Variants in WDPCP observed in about 807,000 individuals in gnomAD.
WDPCP encodes the protein WD repeat containing planar cell polarity effector.
In WDPCP, 71 loss-of-function variants were observed where a neutral mutation model predicts 93.1. The ratio of observed to expected loss-of-function variants is 0.76; its 90% CI spans 0.63 to 0.93. The LOEUF (loss-of-function observed/expected upper bound fraction) is 0.93. Among genes scored for constraint, WDPCP ranks in the 40% least tolerant of loss-of-function variants. The pLI is 0.00. For synonymous variants in WDPCP, 315 were observed against 315.0 expected (o/e 1.00, Z 0.00); for missense variants, 844 against 887.4 (o/e 0.95, Z 0.62).
rs189437650 is a variant in WDPCP at position 63,259,492 on chromosome 2, G to A, written c.1813-83C>T. On this transcript the variant is annotated intron_variant, in intron 13 of 17. Coordinates refer to ENST00000272321, the MANE Select transcript of WDPCP (RefSeq NM_015910.7). ...AGGAGGATTTTGAAGGAAACTTATTGTCCAGATTACAAAATAGAAACAGTT... is the reference window on the plus strand; with the variant it reads ...AGGAGGATTTTGAAGGAAACTTATTATCCAGATTACAAAATAGAAACAGTT... 175 of 1,071,662 alleles carry A rather than the reference G, an allele frequency of 1.6e-4. No homozygotes were observed. In the East Asian group the frequency reaches 3.2e-3, roughly 20 times the overall value. 66.4% of individuals were successfully genotyped at this position (1,071,662 alleles called of 1,614,324 possible).
At chr2:63,446,431 T>C (rs568346428) in intron 6 of WDPCP, among the ~76,000 whole-genome samples, 2 of 152,336 alleles carry the variant, frequency 1.3e-5, no homozygotes, top group African/African-American at 2.4e-5. Context: ...TGTCACCACC[T>C]TTATATATTA....
At chr2:63,465,264 T>C (rs1213904700) in intron 6 of WDPCP, among the ~76,000 whole-genome samples, 1 of 152,142 alleles carries the variant, frequency 6.6e-6, no homozygotes, top group Admixed American at 6.6e-5. Context: ...TATTTTTGTT[T>C]GATAGCTAAA....
intron 13 of WDPCP, among the ~76,000 whole-genome samples, chr2:63,297,807 G>A (rs1203548635): frequency 6.6e-6 from 1 of 152,176 alleles, no homozygotes; most frequent in African/African-American, 2.4e-5. Context: ...ACAACATTCA[G>A]TTTTAACTAA....
chr2:63,315,397 GAAAC>G (rs1164314835), intron 12 of WDPCP, among the ~76,000 whole-genome samples: 2 of 139,152 alleles, frequency 1.4e-5, no homozygotes, highest in East Asian at 4.4e-4. Flanking sequence ...AACTTTCACA[GAAAC>G]AAACAAATTC....
chr2:63,473,046 G>T (rs1409462700), intron 6 of WDPCP, among the ~76,000 whole-genome samples: 2 of 152,194 alleles, frequency 1.3e-5, no homozygotes, highest in African/African-American at 4.8e-5. Context: ...TTCCACAAAA[G>T]TATGGTGATC....
At chr2:63,465,520 C>T (rs936945116) in intron 6 of WDPCP, among the ~76,000 whole-genome samples, 6 of 152,072 alleles carry the variant, frequency 3.9e-5, no homozygotes, top group Non-Finnish European at 8.8e-5. Context: ...TTTTACAGTG[C>T]CCCTAGGCCA....
At chr2:63,839,724 T>C in the WDPCP span, among the ~76,000 whole-genome samples, 5 of 152,252 alleles carry the variant, frequency 3.3e-5, no homozygotes, top group African/African-American at 4.8e-5. Context: ...ACAATTTTTG[T>C]ACTGTATACA....
chr2:63,784,655 AAGAC>A (rs1353714641), intron 2 of WDPCP, among the ~76,000 whole-genome samples: 1 of 152,002 alleles, frequency 6.6e-6, no homozygotes, highest in Non-Finnish European at 1.5e-5. Context: ...GTAATAAAGA[AAGAC>A]AGTGAAGAAA....
chr2:63,687,103 T>C (rs1009943579), intron 2 of WDPCP, among the ~76,000 whole-genome samples: 6 of 152,244 alleles, frequency 3.9e-5, no homozygotes, highest in Non-Finnish European at 8.8e-5. Context: ...ATACTCATAA[T>C]TTTTAAACAA....
intron 1 of WDPCP, among the ~76,000 whole-genome samples, chr2:63,523,844 G>T (rs569412897): frequency 6.6e-6 from 1 of 152,192 alleles, no homozygotes; most frequent in Admixed American, 6.5e-5. Context: ...CCAGGAGGTG[G>T]AGGTTGTGGT....
intron 9 of WDPCP, among the ~76,000 whole-genome samples, chr2:63,426,972 G>C (rs146961741): frequency 6.6e-6 from 1 of 152,222 alleles, no homozygotes; most frequent in East Asian, 1.9e-4. Context: ...TTTAACAATA[G>C]TCGAGAAGGA....
chr2:63,279,962 A>G (rs13020171), intron 13 of WDPCP, among the ~76,000 whole-genome samples: 123,579 of 152,194 alleles, frequency 0.81, 50,932 homozygotes, highest in East Asian at 0.96. Context: ...ACAAAATACC[A>G]CTGAAAGAAA....
intron 6 of WDPCP, among the ~76,000 whole-genome samples, chr2:63,462,396 G>A (rs1443604986): frequency 2.0e-5 from 3 of 152,144 alleles, no homozygotes; most frequent in Admixed American, 2.0e-4. Context: ...TATACCTAAT[G>A]TAAATGATGA....
At chr2:63,369,591 A>AT in intron 12 of WDPCP, 1 of 447,902 alleles carries the variant, frequency 2.2e-6, no homozygotes, top group Non-Finnish European at 4.5e-6. Flanking sequence ...AATGAAAAAA[A>AT]TAACTAATGT....
At chr2:63,716,524 T>TA (rs1222347132) in intron 2 of WDPCP, among the ~76,000 whole-genome samples, 1 of 152,240 alleles carries the variant, frequency 6.6e-6, no homozygotes, top group African/African-American at 2.4e-5. Flanking sequence ...AAAGGAAGTG[T>TA]AAGTGCTATT....
intron 1 of WDPCP, among the ~76,000 whole-genome samples, chr2:63,817,571 T>C (rs1044840336): frequency 2.0e-5 from 3 of 152,334 alleles, no homozygotes; most frequent in Non-Finnish European, 4.4e-5. Context: ...TAAAATTTTA[T>C]TGGAACACAG....
intron 2 of WDPCP, among the ~76,000 whole-genome samples, chr2:63,661,260 T>G (rs1710223505): frequency 6.6e-6 from 1 of 152,204 alleles, no homozygotes. Context: ...GAGGATTTAC[T>G]TCTAAGCCTA....
intron 3 of WDPCP, among the ~76,000 whole-genome samples, chr2:63,629,760 C>G (rs1195378183): frequency 6.6e-6 from 1 of 152,222 alleles, no homozygotes; most frequent in Non-Finnish European, 1.5e-5. Context: ...AATGTCTACC[C>G]TCAGCTGGCA....
intron 17 of WDPCP, among the ~76,000 whole-genome samples, chr2:63,140,860 G>A (rs1283226014): frequency 1.3e-5 from 2 of 152,172 alleles, no homozygotes; most frequent in African/African-American, 4.8e-5. Flanking sequence ...TTGAACAGGA[G>A]TGGTGACAGC....
Sources: allele counts gnomAD v4.1 joint callset (sites outside exome capture counted in the v4.1 genomes callset), GRCh38; gene constraint gnomAD v4.1.1; transcripts MANE v1.5; gene names NCBI Gene and HGNC (gene_info 2026-07-23, HGNC 2026-07-21).